CIB2: variants seen among roughly 807,000 people sequenced by gnomAD.
The protein encoded by CIB2 is calcium and integrin binding family member 2, also known as calcium and integrin-binding family member 2.
CIB2 carries 19 observed loss-of-function variants against 23.1 expected under a neutral mutation model. The observed-to-expected ratio is 0.82, with a 90% CI of 0.57 to 1.21. CIB2 has a LOEUF of 1.21. Ranked by LOEUF, CIB2 falls within the 50% of genes most tolerant of loss-of-function variation. CIB2 has a pLI of 0.00. For missense variants in CIB2, 220 were observed against 241.5 expected, an observed-to-expected ratio of 0.91 and a Z score of 0.59; for synonymous variants, 94 against 91.7, an observed-to-expected ratio of 1.03 and a Z score of -0.14.
At position 78,122,316 on chromosome 15, in the gene CIB2, G is replaced by A. The variant is rs189380793; in HGVS notation, c.86+1389C>T. Among the ~76,000 whole-genome samples, 56 of 152,324 alleles carry A rather than the reference G, an allele frequency of 3.7e-4. 1 individual carries two copies. The highest frequency in any genetic ancestry group is 1.3e-3 in the African/African-American group (56 of 41,572). Reference sequence around the variant, plus strand: ...AGTGGAGATAGCCAGTGCAAAGGCCGAGGCAAGGGGCTTTTGTTGCCAGAA... The same window carrying A: ...AGTGGAGATAGCCAGTGCAAAGGCCAAGGCAAGGGGCTTTTGTTGCCAGAA... On this transcript the variant is annotated intron_variant, in intron 2 of 5. Transcript: ENST00000258930.
At position 78,131,149 on chromosome 15, in the gene CIB2, G is replaced by A. The variant is rs1388308031; in HGVS notation, c.51+16C>T. On this transcript the variant is annotated intron_variant, in intron 1 of 5. Transcript: ENST00000258930. The surrounding 1 kb of genome is among the most constrained non-coding windows in gnomAD (Gnocchi z 5.8). ...GCGGCGGGGCCTGTGTTGGGGGCCGGGCGCGCCGAGCTCACCTGGTAGTTG... is the reference window on the plus strand; with the variant it reads ...GCGGCGGGGCCTGTGTTGGGGGCCGAGCGCGCCGAGCTCACCTGGTAGTTG... 3.2e-6 allele frequency: 5 copies of A among 1,579,646 alleles called. No individual in the cohort carries two copies. The highest frequency in any genetic ancestry group is 4.3e-6 in the Non-Finnish European group (5 of 1,164,672).
At chr15:78,121,804 T>C (rs2074323038) in intron 2 of CIB2, among the ~76,000 whole-genome samples, 3 of 152,194 alleles carry the variant, frequency 2.0e-5, no homozygotes, top group African/African-American at 4.8e-5. Flanking sequence ...TATAGCAGCA[T>C]GAGAATGGAC....
At chr15:78,129,989 T>C (rs2074432361) in intron 1 of CIB2, among the ~76,000 whole-genome samples, 1 of 152,136 alleles carries the variant, frequency 6.6e-6, no homozygotes, top group Non-Finnish European at 1.5e-5. Flanking sequence ...GAGAAATCCA[T>C]TACTGACAAC....
At position 78,108,599 on chromosome 15, in the gene CIB2, G is replaced by A. The variant is rs534289384; in HGVS notation, c.346+636C>T. Among the ~76,000 whole-genome samples, 15 of 151,520 alleles carry A rather than the reference G, an allele frequency of 9.9e-5. No homozygotes were observed. In the East Asian group the frequency reaches 2.7e-3, roughly 27 times the overall value. On this transcript the variant is annotated intron_variant, in intron 4 of 5. Coordinates refer to ENST00000258930, the MANE Select transcript of CIB2 (RefSeq NM_006383.4). ...GGTGGCCCTACCTCAGGCAGTATTC[G>A]GGGGGGCTCCAGAGGCCCCCCTGCA... is the stretch of plus-strand genomic sequence containing the variant.
At chr15:78,106,507 G>A (rs1567048197) in intron 4 of CIB2, among the ~76,000 whole-genome samples, 1 of 152,154 alleles carries the variant, frequency 6.6e-6, no homozygotes, top group Non-Finnish European at 1.5e-5. Context: ...CCTGGCCTTT[G>A]TGCACACAGA....
At chr15:78,114,857 A>C (rs1424784047) in intron 2 of CIB2, among the ~76,000 whole-genome samples, 1 of 151,760 alleles carries the variant, frequency 6.6e-6, no homozygotes, top group African/African-American at 2.4e-5. Context: ...CTAAAGTAGG[A>C]GGATCTCTAG....
chr15:78,123,648 A>G, intron 2 of CIB2, 57 bp downstream of exon 2: 1 of 1,589,922 alleles, frequency 6.3e-7, no homozygotes, highest in South Asian at 1.1e-5. Context: ...GGGGTGCCCC[A>G]GCCTCACCCC....
Position 78,131,263 on chromosome 15 carries a change from AGCG to A in CIB2, c.-51_-49del. 7.2e-7 allele frequency: 1 copy of A among 1,384,100 alleles called. No individual in the cohort carries two copies. Among genetic ancestry groups the A allele is most frequent in the Non-Finnish European group, 9.5e-7 (1 of 1,056,762 alleles). 85.7% of individuals were successfully genotyped at this position (1,384,100 alleles called of 1,614,324 possible). On this transcript the variant is annotated 5_prime_UTR_variant, in exon 1 of 6. Transcript: ENST00000258930. The surrounding 1 kb of genome is among the most constrained non-coding windows in gnomAD (Gnocchi z 5.8). ...GCCCGCCCGGGCTCCGACTCCCATC[AGCG>A]GCCGCCAGACCCGGAGCCAGCGCCC...
intron 4 of CIB2, among the ~76,000 whole-genome samples, chr15:78,108,832 C>T (rs2074109552): frequency 6.6e-6 from 1 of 152,228 alleles, no homozygotes; most frequent in South Asian, 2.1e-4. Context: ...ATACCGCCCC[C>T]TGTCCCACCA....
At chr15:78,124,358 C>A (rs1176091553) in intron 1 of CIB2, among the ~76,000 whole-genome samples, 1 of 151,448 alleles carries the variant, frequency 6.6e-6, no homozygotes, top group East Asian at 1.9e-4. Flanking sequence ...CAGGTAGCAT[C>A]TGGGGTAGAG....
intron 3 of CIB2, among the ~76,000 whole-genome samples, chr15:78,110,059 G>C (rs967390364): frequency 1.3e-5 from 2 of 152,194 alleles, no homozygotes; most frequent in African/African-American, 4.8e-5. Context: ...AACTGGACCA[G>C]TCAAGCAGCA....
chr15:78,118,458 G>A (rs751229043), intron 2 of CIB2, among the ~76,000 whole-genome samples: 8 of 151,198 alleles, frequency 5.3e-5, no homozygotes, highest in Middle Eastern at 3.4e-3. Flanking sequence ...GCCTGGTGGC[G>A]CGTGCCTATA....
chr15:78,123,798 A>C lies in CIB2; in HGVS notation c.52-59T>G. ...GTGCGGCTCCCAGACTTTCTTCCTC[A>C]GAGGCCTCGATGCCACAGGGCTCAC... On this transcript the variant is annotated intron_variant, in intron 1 of 5. Transcript: ENST00000258930. 1.9e-6 allele frequency: 3 copies of C among 1,594,652 alleles called. No homozygotes were observed. In the South Asian group the frequency reaches 3.3e-5, roughly 18 times the overall value.
intron 2 of CIB2, among the ~76,000 whole-genome samples, chr15:78,121,838 C>G (rs560486462): frequency 4.2e-4 from 64 of 152,334 alleles, no homozygotes; most frequent in African/African-American, 1.2e-3. Flanking sequence ...AAAGGCCCAT[C>G]ATATTGGATC....
At chr15:78,113,021 G>A (rs1264203741) in intron 2 of CIB2, among the ~76,000 whole-genome samples, 1 of 152,182 alleles carries the variant, frequency 6.6e-6, no homozygotes, top group Admixed American at 6.5e-5. Context: ...CACCCTGAGA[G>A]GTAGATATTA....
At chr15:78,117,246 C>CAAAAAAAAAAAA (rs60332437) in intron 2 of CIB2, among the ~76,000 whole-genome samples, 3,654 of 55,112 alleles carry the variant, frequency 0.066, 812 homozygotes, top group Non-Finnish European at 0.088. Flanking sequence ...AAGCTACTGG[C>CAAAAAAAAAAAA]AAAAAAAAAA....
chr15:78,121,515 C>T (rs1173725741), intron 2 of CIB2, among the ~76,000 whole-genome samples: 7 of 152,138 alleles, frequency 4.6e-5, no homozygotes, highest in South Asian at 2.1e-4. Flanking sequence ...ATAATCCCTA[C>T]GTGTCATGGG....
intron 2 of CIB2, among the ~76,000 whole-genome samples, chr15:78,112,911 C>G (rs549589774): frequency 6.6e-6 from 1 of 152,236 alleles, no homozygotes; most frequent in Non-Finnish European, 1.5e-5. Context: ...CCAGCTCAAA[C>G]AGATAATAAC....
chr15:78,130,579 G>C (rs2141924789), intron 1 of CIB2, among the ~76,000 whole-genome samples: 1 of 152,312 alleles, frequency 6.6e-6, no homozygotes, highest in Admixed American at 6.5e-5. Flanking sequence ...GCCTAAGGGA[G>C]CTGGGAGAGG....
Sources: allele counts gnomAD v4.1 joint callset (sites outside exome capture counted in the v4.1 genomes callset), GRCh38; gene constraint gnomAD v4.1.1; non-coding constraint Gnocchi (gnomAD v3.1); transcripts MANE v1.5; gene names NCBI Gene and HGNC (gene_info 2026-07-23, HGNC 2026-07-21).